Variants in ZFP91 observed in about 807,000 individuals in gnomAD.
The protein encoded by ZFP91 is ZFP91 zinc finger protein, atypical E3 ubiquitin ligase.
ZFP91 carries 7 observed loss-of-function variants against 63.5 expected under a neutral mutation model. That is an observed-to-expected ratio of 0.11 (90% CI 0.06 to 0.21). The LOEUF is 0.21. Ranked by LOEUF, ZFP91 falls within the 10% of genes least tolerant of loss-of-function variation. The probability of loss-of-function intolerance (pLI) is 1.00; values close to 1 mark genes in which losing one functional copy is unlikely to be tolerated. For synonymous variants in ZFP91, 330 were observed against 272.1 expected (o/e 1.21, Z -2.10); for missense variants, 628 against 736.6 (o/e 0.85, Z 1.71).
At chr11:58,611,828 T>A in intron 6 of ZFP91, 90 bp downstream of exon 6, 1 of 1,407,264 alleles carries the variant, frequency 7.1e-7, no homozygotes, top group Non-Finnish European at 9.4e-7. Flanking sequence ...GATGTTGACG[T>A]ATACATGCTT....
chr11:58,591,604 A>T (rs1172389752), intron 2 of ZFP91, among the ~76,000 whole-genome samples: 1 of 151,982 alleles, frequency 6.6e-6, no homozygotes, highest in African/African-American at 2.4e-5. Context: ...CCGTATTCTC[A>T]CCCCCAACCC....
intron 9 of ZFP91, among the ~76,000 whole-genome samples, chr11:58,615,226 C>G (rs1855730671): frequency 6.6e-6 from 1 of 152,178 alleles, no homozygotes; most frequent in Admixed American, 6.5e-5. Flanking sequence ...CAGGATTGAA[C>G]TTGAATCTTA....
chr11:58,593,762 T>C (rs554398207), intron 2 of ZFP91, among the ~76,000 whole-genome samples: 1 of 152,344 alleles, frequency 6.6e-6, no homozygotes, highest in East Asian at 1.9e-4. Flanking sequence ...ACATATTCTC[T>C]CTAGTGTCTC....
At chr11:58,590,038 C>T (rs936928770) in intron 2 of ZFP91, among the ~76,000 whole-genome samples, 4 of 152,144 alleles carry the variant, frequency 2.6e-5, no homozygotes, top group Non-Finnish European at 5.9e-5. Flanking sequence ...ATTGAGATCC[C>T]TTTTCCTGCC....
At chr11:58,596,995 G>T (rs1313013689) in intron 2 of ZFP91, among the ~76,000 whole-genome samples, 1 of 152,052 alleles carries the variant, frequency 6.6e-6, no homozygotes, top group Non-Finnish European at 1.5e-5. Context: ...TGTGTTTGGG[G>T]GGCAAGTAGA....
chr11:58,598,601 TATAAG>T (rs1306449351), intron 2 of ZFP91, among the ~76,000 whole-genome samples: 1 of 152,080 alleles, frequency 6.6e-6, no homozygotes, highest in East Asian at 1.9e-4. Context: ...TAGCTGCTAT[TATAAG>T]AAACAACTGG....
chr11:58,591,457 ACAT>A (rs201214018), intron 2 of ZFP91, among the ~76,000 whole-genome samples: 1,750 of 151,670 alleles, frequency 0.012, 13 homozygotes, highest in Non-Finnish European at 0.015. Context: ...TGTAATTTAT[ACAT>A]CATAAAATTC....
At chr11:58,603,731 G>T (rs1028043175) in intron 2 of ZFP91, among the ~76,000 whole-genome samples, 3 of 152,200 alleles carry the variant, frequency 2.0e-5, no homozygotes. Flanking sequence ...ATCCACAAAA[G>T]CTTATTCTTA....
chr11:58,610,854 C>A, intron 4 of ZFP91, 96 bp from the exon 5 acceptor site: 2 of 1,016,914 alleles, frequency 2.0e-6, no homozygotes, highest in Non-Finnish European at 2.8e-6. Context: ...ATGACTTTAT[C>A]AGTGTTTGGC....
intron 2 of ZFP91, among the ~76,000 whole-genome samples, chr11:58,605,132 G>A (rs1259589774): frequency 6.6e-6 from 1 of 151,964 alleles, no homozygotes; most frequent in Non-Finnish European, 1.5e-5. Flanking sequence ...ATTGCATTTA[G>A]TACTTTAAAC....
intron 2 of ZFP91, among the ~76,000 whole-genome samples, chr11:58,600,329 GTAAAGGTAATCATTTTCT>G (rs1243193321): frequency 2.6e-5 from 4 of 151,876 alleles, no homozygotes; most frequent in African/African-American, 4.8e-5. Context: ...TTATTCTATT[GTAAAGGTAATCATTTTCT>G]TAATTTCCTT....
chr11:58,606,222 C>T (rs867237348), intron 2 of ZFP91, among the ~76,000 whole-genome samples: 1 of 151,950 alleles, frequency 6.6e-6, no homozygotes, highest in Non-Finnish European at 1.5e-5. Flanking sequence ...CTGCTACAAG[C>T]AGCCCAGCTA....
chr11:58,610,157 G>A (rs1855635529), intron 3 of ZFP91, 118 bp downstream of exon 3: 5 of 1,405,914 alleles, frequency 3.6e-6, no homozygotes, highest in Admixed American at 1.9e-5. Flanking sequence ...GGTGTAGGTG[G>A]TATTTCTTTG....
intron 2 of ZFP91, among the ~76,000 whole-genome samples, chr11:58,609,126 A>C (rs1855615835): frequency 6.6e-6 from 1 of 152,178 alleles, no homozygotes; most frequent in Non-Finnish European, 1.5e-5. Flanking sequence ...CCAGGTATGA[A>C]AGCCAGTTTC....
At chr11:58,590,705 A>G (rs1402985714) in intron 2 of ZFP91, among the ~76,000 whole-genome samples, 5 of 152,186 alleles carry the variant, frequency 3.3e-5, no homozygotes, top group African/African-American at 1.2e-4. Context: ...CAAATTTTTT[A>G]TCCCATATAT....
At chr11:58,600,383 A>G (rs1387577341) in intron 2 of ZFP91, among the ~76,000 whole-genome samples, 1 of 152,184 alleles carries the variant, frequency 6.6e-6, no homozygotes, top group Non-Finnish European at 1.5e-5. Flanking sequence ...TATACTTAAA[A>G]CAATGAATGT....
intron 2 of ZFP91, among the ~76,000 whole-genome samples, chr11:58,598,307 A>G (rs993816622): frequency 5.9e-5 from 9 of 152,136 alleles, no homozygotes; most frequent in African/African-American, 2.2e-4. Flanking sequence ...TTATGCATTC[A>G]TGACATAACT....
Position 58,612,278 on chromosome 11 carries a change from G to A in ZFP91, c.858G>A (p.Lys286=). The change falls in exon 7 of 11, where the codon AAG becomes AAA. Residue 286 remains lysine, a splice_region_variant and synonymous_variant. Coordinates refer to ENST00000316059, the MANE Select transcript of ZFP91 (RefSeq NM_053023.5). ...ACTGTTACCCTGTCTTCAATTACAG[G>A]AGAGGAAGAAGACGAAAAGATGACA... ...EIREDEEPPR[K]RGRRRKDDKS... The A allele has an allele frequency of 6.2e-7, 1 of 1,613,630 alleles. No individual in the cohort carries two copies. Among genetic ancestry groups the A allele is most frequent in the Non-Finnish European group, 8.5e-7 (1 of 1,179,736 alleles).
chr11:58,617,507 G>A lies in ZFP91; in HGVS notation c.1514G>A (p.Gly505Glu), dbSNP rs369678965. The A allele has an allele frequency of 4.3e-6, 7 of 1,614,018 alleles. No individual in the cohort carries two copies. Among genetic ancestry groups the A allele is most frequent in the Non-Finnish European group, 5.9e-6 (7 of 1,180,018 alleles). ...LPEPLGNSTSGECLLLEAEGM... is the reference protein window; with the variant it reads ...LPEPLGNSTSEECLLLEAEGM... ...GAGCCCTTGGGAAACTCAACCTCTG[G>A]AGAGTGCCTACTGTTAGAAGCTGAA... Residue 505 changes from glycine (G) to glutamate (E), a missense_variant, in exon 11 of 11, where the codon GGA (glycine) becomes GAA (glutamate). Gly to Glu is a moderately conservative substitution (Grantham distance 98, BLOSUM62 -2). This residue lies in a region of ZFP91 where 115 missense variants were observed against 125.4 expected (regional missense o/e 0.92). Transcript: ENST00000316059. This position sits in a 1 kb window ranked among gnomAD's most constrained non-coding sequence, Gnocchi z 4.2.
Sources: gnomAD v4.1 joint callset for allele counts (sites outside exome capture counted in the v4.1 genomes callset) on GRCh38, gnomAD v4.1.1 for gene constraint, gnomAD v4.1.1 regional missense constraint, Gnocchi (gnomAD v3.1) non-coding constraint, MANE v1.5 for transcripts, NCBI Gene and HGNC (gene_info 2026-07-23, HGNC 2026-07-21) for gene names.